Variants in DNAH8 observed in about 807,000 individuals in gnomAD.
The protein encoded by DNAH8 is axonemal beta dynein heavy chain 8.
DNAH8 carries 382 observed loss-of-function variants against 562.1 expected under a neutral mutation model. That is an observed-to-expected ratio of 0.68 (90% CI 0.63 to 0.74). The LOEUF is 0.74. DNAH8 is among the 30% of genes least tolerant of loss of function. The probability of loss-of-function intolerance (pLI) is 0.00; values close to 1 mark genes in which losing one functional copy is unlikely to be tolerated. For synonymous variants in DNAH8, 1,881 were observed against 1,919.4 expected (o/e 0.98, Z 0.52); for missense variants, 5,203 against 5,620.4 (o/e 0.93, Z 2.37).
rs1236490123 is a variant in DNAH8 at position 38,918,017 on chromosome 6, TA to T, written c.10403del (p.Asn3468IlefsTer40). 6.2e-7 allele frequency: 1 copy of T among 1,613,218 alleles called. No individual in the cohort carries two copies. Among genetic ancestry groups the T allele is most frequent in the Admixed American group, 1.7e-5 (1 of 59,998 alleles). ...CTGTTGAGTTACTACAGCCATATTT[TA>T]ATATGGATGATTATACTTTTGAAAG... ...ETVELLQPYF[N>X]MDDYTFESAK... On this transcript the variant is annotated frameshift_variant, in exon 70 of 93. Coordinates refer to ENST00000327475, the MANE Select transcript of DNAH8 (RefSeq NM_001206927.2). LOFTEE classifies it high-confidence loss of function.
intron 31 of DNAH8, 129 bp from the exon 32 acceptor site, chr6:38,834,450 C>A: frequency 1.7e-6 from 1 of 581,398 alleles, no homozygotes; most frequent in Non-Finnish European, 3.0e-6. Context: ...GCTTCAAGTA[C>A]AGGACACAAT....
rs1465774631 is a variant in DNAH8, at chr6:38,737,057, A to G, written c.763-10A>G. ...GCATGTAAAATAACATTTAAACTCCACCCTTTCAGGAAGCGCTCTTTACTG... is the reference window on the plus strand; with the variant it reads ...GCATGTAAAATAACATTTAAACTCCGCCCTTTCAGGAAGCGCTCTTTACTG... On this transcript the variant is annotated splice_polypyrimidine_tract_variant and intron_variant, in intron 5 of 92. Transcript: ENST00000327475. 6.6e-7 allele frequency: 1 copy of G among 1,508,554 alleles called. No homozygotes were observed. 93.4% of individuals were successfully genotyped at this position (1,508,554 alleles called of 1,614,324 possible).
chr6:38,932,254 G>T (rs1382117618), intron 76 of DNAH8, among the ~76,000 whole-genome samples: 1 of 147,520 alleles, frequency 6.8e-6, no homozygotes, highest in East Asian at 2.0e-4. Context: ...ACTTCTAGGT[G>T]TACTGACTCT....
chr6:38,719,822 A>C (rs1225337623), intron 1 of DNAH8, among the ~76,000 whole-genome samples: 2 of 152,202 alleles, frequency 1.3e-5, no homozygotes, highest in Admixed American at 1.3e-4. Flanking sequence ...ATTAAGCTGC[A>C]GCCCTAAAAC....
chr6:39,026,398 A>T, intron 91 of DNAH8, 148 bp from the exon 92 acceptor site: 1 of 700,642 alleles, frequency 1.4e-6, no homozygotes, highest in Non-Finnish European at 2.3e-6. Context: ...ACTGAGACAA[A>T]TGTCTCCCCT....
At chr6:38,939,683 A>G (rs1274018402) in intron 79 of DNAH8, among the ~76,000 whole-genome samples, 1 of 152,212 alleles carries the variant, frequency 6.6e-6, no homozygotes, top group Non-Finnish European at 1.5e-5. Context: ...GTGAAATCAA[A>G]AAGTTTCTTA....
intron 91 of DNAH8, among the ~76,000 whole-genome samples, chr6:39,016,508 G>A (rs1002950000): frequency 7.4e-5 from 11 of 148,362 alleles, no homozygotes; most frequent in African/African-American, 1.5e-4. Flanking sequence ...CCGAGATCGC[G>A]CCACTGCATT....
At chr6:38,950,408 A>G (rs1176722671) in intron 81 of DNAH8, among the ~76,000 whole-genome samples, 2 of 151,804 alleles carry the variant, frequency 1.3e-5, no homozygotes, top group African/African-American at 4.8e-5. Flanking sequence ...GAACAACGCT[A>G]ATGTTGACCT....
chr6:38,729,804 C>A, intron 3 of DNAH8, 98 bp from the exon 4 acceptor site: 1 of 668,364 alleles, frequency 1.5e-6, no homozygotes, highest in Non-Finnish European at 2.6e-6. Context: ...CCTTTATGTA[C>A]CTTTGAATAA....
chr6:38,789,910 AT>A (rs751713627), intron 19 of DNAH8, 27 bp downstream of exon 19: 2 of 1,529,066 alleles, frequency 1.3e-6, no homozygotes, highest in South Asian at 2.3e-5. Context: ...GTTTGTATTG[AT>A]TTTCCTGTTA....
Position 38,921,578 on chromosome 6 carries a change from A to G in DNAH8, c.10662+72A>G, listed in dbSNP as rs1781711034. On this transcript the variant is annotated intron_variant, in intron 71 of 92. Coordinates refer to ENST00000327475, the MANE Select transcript of DNAH8 (RefSeq NM_001206927.2). ...ACACAAGAGCATGCTATATTTGGAA[A>G]TCAGGCAAATGGTTGTGATGAAAAA... 2.4e-5 allele frequency: 36 copies of G among 1,491,790 alleles called. No individual in the cohort carries two copies. In the South Asian group the frequency reaches 4.6e-4, roughly 19 times the overall value. The allele number at this position is 1,491,790 out of a possible 1,614,324, so 92.4% of individuals were successfully genotyped here. A position where few individuals can be genotyped will look rare whatever the true frequency, so the allele number is the denominator to read the frequency against.
intron 36 of DNAH8, 96 bp from the exon 37 acceptor site, chr6:38,848,551 TC>T: frequency 1.0e-6 from 1 of 991,544 alleles, no homozygotes; most frequent in Non-Finnish European, 1.5e-6. Flanking sequence ...AAACATTCAT[TC>T]CCAAAGTAAT....
chr6:38,826,333 C>A lies in DNAH8; in HGVS notation c.4025C>A (p.Ala1342Asp). 5.0e-6 allele frequency: 8 copies of A among 1,613,284 alleles called. No individual in the cohort carries two copies. The highest frequency in any genetic ancestry group is 6.8e-6 in the Non-Finnish European group (8 of 1,179,572). ...GATGATGTCAGATTTGCAATGGAAG[C>A]CTTGTCTTGCATACGTGATAATGAA... ...DLDDVRFAME[A>D]LSCIRDNEIQ... The change falls in exon 29 of 93, where the codon GCC (alanine) becomes GAC (aspartate). Residue 1342 changes from alanine to aspartate, a missense_variant. By Grantham distance (126) the Ala-to-Asp change is moderately radical. Around this residue, in one of 6 missense-constraint regions of DNAH8, gnomAD observed 2,176 missense variants for 2,365.1 expected, o/e 0.92. Transcript: ENST00000327475.
chr6:38,779,840 C>A (rs1406574079), intron 14 of DNAH8, 126 bp from the exon 15 acceptor site: 10 of 931,696 alleles, frequency 1.1e-5, no homozygotes, highest in Non-Finnish European at 1.7e-5. Context: ...ATTGCTTTGT[C>A]CTAGGACAAC....
chr6:38,719,633 TAAGAC>T (rs1481327274), intron 1 of DNAH8, among the ~76,000 whole-genome samples: 2 of 152,216 alleles, frequency 1.3e-5, no homozygotes, highest in East Asian at 1.9e-4. Flanking sequence ...GTTGTATTCT[TAAGAC>T]AAGAGGCAGG....
rs150022614 is a variant in DNAH8, at chr6:38,756,048, C to G, written c.1484C>G (p.Thr495Ser). ...MIHGVSRYYN[T>S]SERMTSLFIK... ...CACGGTGTGTCAAGGTATTATAATA[C>G]CTCAGAGAGAATGACCTCATTGTTT... is the stretch of plus-strand genomic sequence containing the variant. The change falls in exon 10 of 93, where the codon ACC becomes AGC. Residue 495 changes from threonine (T) to serine (S), a missense_variant. Thr to Ser is a moderately conservative substitution (Grantham distance 58, BLOSUM62 1). Coordinates refer to ENST00000327475, the MANE Select transcript of DNAH8 (RefSeq NM_001206927.2). The G allele has an allele frequency of 6.2e-7, 1 of 1,602,650 alleles. No individual in the cohort carries two copies. Among genetic ancestry groups the G allele is most frequent in the African/African-American group, 1.3e-5 (1 of 74,578 alleles).
intron 79 of DNAH8, among the ~76,000 whole-genome samples, chr6:38,941,793 C>G (rs1783484331): frequency 6.6e-6 from 1 of 152,144 alleles, no homozygotes; most frequent in South Asian, 2.1e-4. Flanking sequence ...GAAATCCAGG[C>G]AGCAGTGGCA....
At chr6:38,847,791 T>C (rs1775415439) in intron 36 of DNAH8, among the ~76,000 whole-genome samples, 1 of 152,184 alleles carries the variant, frequency 6.6e-6, no homozygotes, top group African/African-American at 2.4e-5. Flanking sequence ...CTGTAGGTAG[T>C]TGGGGTTTTT....
intron 15 of DNAH8, among the ~76,000 whole-genome samples, chr6:38,780,790 A>G (rs1305472087): frequency 6.6e-6 from 1 of 152,154 alleles, no homozygotes; most frequent in East Asian, 1.9e-4. Context: ...TCATGACACG[A>G]GTTTACCTAT....
Sources: allele counts gnomAD v4.1 joint callset (sites outside exome capture counted in the v4.1 genomes callset), GRCh38; gene constraint gnomAD v4.1.1; regional missense constraint gnomAD v4.1.1; transcripts MANE v1.5; gene names NCBI Gene and HGNC (gene_info 2026-07-23, HGNC 2026-07-21).